KDM5A: variants seen among roughly 807,000 people sequenced by gnomAD.
KDM5A encodes the protein lysine-specific demethylase 5A.
A neutral mutation model predicts 193.5 loss-of-function variants in KDM5A; 42 were observed. The ratio of observed to expected loss-of-function variants is 0.22; its 90% CI spans 0.17 to 0.28. The LOEUF (loss-of-function observed/expected upper bound fraction) is 0.28. Among genes scored for constraint, KDM5A ranks in the 10% least tolerant of loss-of-function variants. The probability of loss-of-function intolerance (pLI) is 1.00; values close to 1 mark genes in which losing one functional copy is unlikely to be tolerated. For missense variants in KDM5A, 1,692 were observed against 2,055.1 expected, an observed-to-expected ratio of 0.82 and a Z score of 3.42; for synonymous variants, 796 against 718.1, an observed-to-expected ratio of 1.11 and a Z score of -1.73.
intron 10 of KDM5A, 79 bp from the exon 11 acceptor site, chr12:334,501 GA>G: frequency 8.1e-7 from 1 of 1,230,152 alleles, no homozygotes; most frequent in South Asian, 1.2e-5. Context: ...AGTCTTCCCA[GA>G]AAATTTTTTT....
chr12:298,881 A>T (rs1302601130), intron 24 of KDM5A, among the ~76,000 whole-genome samples: 1 of 152,022 alleles, frequency 6.6e-6, no homozygotes, highest in Non-Finnish European at 1.5e-5. Flanking sequence ...TGAAAAACAC[A>T]GCACGAGAAC....
intron 2 of KDM5A, among the ~76,000 whole-genome samples, chr12:384,995 G>GCCT (rs1944622411): frequency 6.6e-6 from 1 of 152,076 alleles, no homozygotes; most frequent in South Asian, 2.1e-4. Context: ...TTCCAGACCA[G>GCCT]CCTGGCCAAC....
At chr12:312,941 A>G (rs1434022226) in intron 20 of KDM5A, 115 bp downstream of exon 20, 3 of 1,165,968 alleles carry the variant, frequency 2.6e-6, no homozygotes, top group Non-Finnish European at 3.8e-6. Flanking sequence ...AAATCGATCT[A>G]AGTTAGGGAT....
chr12:386,078 G>A, intron 1 of KDM5A, 104 bp from the exon 2 acceptor site: 1 of 789,466 alleles, frequency 1.3e-6, no homozygotes, highest in South Asian at 1.4e-5. Context: ...GGTGCTAATA[G>A]ACTAACTTAC....
At chr12:349,519 G>A (rs1399492856) in intron 10 of KDM5A, among the ~76,000 whole-genome samples, 1 of 151,116 alleles carries the variant, frequency 6.6e-6, no homozygotes, top group Non-Finnish European at 1.5e-5. Flanking sequence ...TAGTAGAGAC[G>A]TGGTTTCACC....
intron 3 of KDM5A, among the ~76,000 whole-genome samples, chr12:379,062 G>A (rs145127414): frequency 1.2e-3 from 177 of 151,780 alleles, no homozygotes; most frequent in African/African-American, 3.7e-3. Context: ...GAAAGATGAA[G>A]TGATTTAATC....
rs559865135 is a variant in KDM5A, at chr12:385,401, ATACT to A, written c.243+492_243+495del. ...TTAGAAAATTTAAGATAAATTAGTAATACTTAAAGTAATTAAAAAATAATACTTA... is the reference window on the plus strand; with the variant it reads ...TTAGAAAATTTAAGATAAATTAGTAATAAAGTAATTAAAAAATAATACTTA... On this transcript the variant is annotated intron_variant, in intron 2 of 27. Transcript: ENST00000399788. Among the ~76,000 whole-genome samples, 13 of 152,128 alleles carry A rather than the reference ATACT, an allele frequency of 8.5e-5. No homozygotes were observed. The South Asian group carries it at 2.5e-3, about 29-fold the overall frequency.
At chr12:384,236 T>C in intron 2 of KDM5A, 83 bp from the exon 3 acceptor site, 1 of 997,642 alleles carries the variant, frequency 1.0e-6, no homozygotes, top group Admixed American at 1.7e-5. Flanking sequence ...AACCCCAGGA[T>C]GTGGACCAGT....
At chr12:339,475 C>G (rs1943974442) in intron 10 of KDM5A, among the ~76,000 whole-genome samples, 1 of 152,138 alleles carries the variant, frequency 6.6e-6, no homozygotes. Context: ...AGAGAATAAA[C>G]AGCAAATCTG....
At chr12:378,897 T>G (rs965609572) in intron 3 of KDM5A, among the ~76,000 whole-genome samples, 2 of 148,216 alleles carry the variant, frequency 1.3e-5, no homozygotes, top group Admixed American at 1.4e-4. Flanking sequence ...AGGCGGAGCT[T>G]AGAGTGAGCC....
At position 284,014 on chromosome 12, in the gene KDM5A, C is replaced by G. The variant is rs1031606040; in HGVS notation, c.*1442G>C. On this transcript the variant is annotated 3_prime_UTR_variant, in exon 28 of 28. Transcript: ENST00000399788. ...AGTTTCCCAACAGACAGGGACAAGTCCCAACACACAAAGGACATATAATTA... is the reference window on the plus strand; with the variant it reads ...AGTTTCCCAACAGACAGGGACAAGTGCCAACACACAAAGGACATATAATTA... The G allele has an allele frequency of 4.3e-6, 1 of 233,114 alleles. No homozygotes were observed. Among genetic ancestry groups the G allele is most frequent in the African/African-American group, 2.2e-5 (1 of 45,274 alleles). 14.4% of individuals were successfully genotyped at this position (233,114 alleles called of 1,614,324 possible).
chr12:320,299 C>T (rs1436683573), intron 18 of KDM5A, among the ~76,000 whole-genome samples: 1 of 152,132 alleles, frequency 6.6e-6, no homozygotes, highest in Non-Finnish European at 1.5e-5. Context: ...GAGTTTGAAA[C>T]CAGCCTGCTA....
rs749132061 is a variant in KDM5A at position 365,978 on chromosome 12, T to C, written c.493A>G (p.Ile165Val). Residue 165 changes from isoleucine (I) to valine (V), a missense_variant, in exon 4 of 28, where the codon ATT (isoleucine) becomes GTT (valine). By Grantham distance (29) the Ile-to-Val change is conservative. Transcript: ENST00000399788. Reference protein sequence around the residue: ...GSLLKSHYERILYPYELFQSG... With the variant: ...GSLLKSHYERVLYPYELFQSG... ...TGGAAAAGCTCATATGGGTAGAGAA[T>C]TCTTTCATAATGTGACTTCAAAAGA... The C allele has an allele frequency of 3.1e-6, 5 of 1,613,990 alleles. No individual in the cohort carries two copies. The African/African-American group carries it at 6.7e-5, about 22-fold the overall frequency.
At chr12:355,902 G>A (rs181219967) in intron 6 of KDM5A, among the ~76,000 whole-genome samples, 13 of 152,332 alleles carry the variant, frequency 8.5e-5, no homozygotes, top group African/African-American at 2.6e-4. Flanking sequence ...AGAGAGAACA[G>A]TGGAACTTGA....
At position 284,758 on chromosome 12, in the gene KDM5A, C is replaced by A. The variant is rs934394828; in HGVS notation, c.*698G>T. ...CCTTGCCTTGTAGTAGGTTCTTCTCCTCAGAATCCAATCTAGTCAGATTTC... is the reference window on the plus strand; with the variant it reads ...CCTTGCCTTGTAGTAGGTTCTTCTCATCAGAATCCAATCTAGTCAGATTTC... On this transcript the variant is annotated 3_prime_UTR_variant, in exon 28 of 28. Transcript: ENST00000399788. The A allele has an allele frequency of 3.4e-5, 8 of 232,880 alleles. No homozygotes were observed. The highest frequency in any genetic ancestry group is 1.5e-4 in the African/African-American group (7 of 45,296). 14.4% of individuals were successfully genotyped at this position (232,880 alleles called of 1,614,324 possible). A position where few individuals can be genotyped will look rare whatever the true frequency, so the allele number is the denominator to read the frequency against.
intron 16 of KDM5A, 99 bp downstream of exon 16, chr12:322,983 A>G: frequency 6.7e-7 from 1 of 1,502,736 alleles, no homozygotes; most frequent in Non-Finnish European, 9.2e-7. Context: ...GAAGCCTAGG[A>G]TTTTTCTTTT....
At chr12:354,361 T>C in intron 7 of KDM5A, 127 bp from the exon 8 acceptor site, 2 of 685,406 alleles carry the variant, frequency 2.9e-6, no homozygotes, top group Non-Finnish European at 5.0e-6. Context: ...ATCCTGAATG[T>C]CTATTTCAAG....
chr12:318,472 C>A lies in KDM5A; in HGVS notation c.2542-11G>T. ...ATCATCTAGCAGATTCTGAAAAGGT[C>A]AAAAGAAATAAAAATCAGAAAAACA... On this transcript the variant is annotated splice_polypyrimidine_tract_variant and intron_variant, in intron 18 of 27. Coordinates refer to ENST00000399788, the MANE Select transcript of KDM5A (RefSeq NM_001042603.3). The A allele has an allele frequency of 6.3e-7, 1 of 1,594,066 alleles. No individual in the cohort carries two copies. The highest frequency in any genetic ancestry group is 1.1e-5 in the South Asian group (1 of 90,592).
intron 3 of KDM5A, among the ~76,000 whole-genome samples, chr12:369,604 T>TGC (rs1944400508): frequency 6.6e-6 from 1 of 152,202 alleles, no homozygotes; most frequent in Non-Finnish European, 1.5e-5. Context: ...AGATGAAATC[T>TGC]AAGCAAAGAC....
Sources: gnomAD v4.1 joint callset for allele counts (sites outside exome capture counted in the v4.1 genomes callset) on GRCh38, gnomAD v4.1.1 for gene constraint, MANE v1.5 for transcripts, NCBI Gene and HGNC (gene_info 2026-07-23, HGNC 2026-07-21) for gene names.